The following AKAP13 variants were observed in gnomAD, a reference collection of about 807,000 sequenced individuals.
AKAP13 encodes A-kinase anchoring protein 13.
Under a neutral mutation model 264.5 loss-of-function variants are expected in AKAP13, and 80 were observed. That is an observed-to-expected ratio of 0.30 (90% CI 0.25 to 0.36). The LOEUF is 0.36. Ranked by LOEUF, AKAP13 falls within the 10% of genes least tolerant of loss-of-function variation. The pLI is 1.00. For missense variants in AKAP13, 3,712 were observed against 3,435.2 expected (o/e 1.08, Z -2.01); for synonymous variants, 1,380 against 1,250.2 (o/e 1.10, Z -2.19).
intron 10 of AKAP13, among the ~76,000 whole-genome samples, chr15:85,653,351 T>C (rs1433731584): frequency 6.6e-6 from 1 of 152,224 alleles, no homozygotes; most frequent in Non-Finnish European, 1.5e-5. Flanking sequence ...TTGATTCTGC[T>C]GCTCATGCCT....
intron 3 of AKAP13, among the ~76,000 whole-genome samples, chr15:85,523,808 C>T (rs1004946095): frequency 1.3e-5 from 2 of 151,470 alleles, no homozygotes; most frequent in African/African-American, 4.9e-5. Flanking sequence ...CCCCCCTCCC[C>T]GCCCCCCTTT....
In AKAP13 at chr15:85,718,685, C is replaced by A. The variant is rs985349707; in HGVS notation, c.6002-391C>A. The A allele has an allele frequency of 4.6e-6, 1 of 218,282 alleles. No individual in the cohort carries two copies. 13.5% of individuals were successfully genotyped at this position (218,282 alleles called of 1,614,324 possible). On this transcript the variant is annotated intron_variant, in intron 22 of 36. Coordinates refer to ENST00000394518, the MANE Select transcript of AKAP13 (RefSeq NM_007200.5). This position sits in a 1 kb window ranked among gnomAD's most constrained non-coding sequence, Gnocchi z 4.9. ...GGGAGGCTGAGGCGGGTGGATCACT[C>A]GAGCCCAGAGTTCAAGACTAGCCTG... is the stretch of plus-strand genomic sequence containing the variant.
intron 3 of AKAP13, among the ~76,000 whole-genome samples, chr15:85,526,321 A>G (rs1171163120): frequency 6.6e-6 from 1 of 152,036 alleles, no homozygotes; most frequent in Admixed American, 6.6e-5. Flanking sequence ...GTGCAGTGGC[A>G]CAATCACAGA....
At chr15:85,567,941 G>GAGGTGTGTGTGTGTGTGT (rs2078663390) in intron 5 of AKAP13, among the ~76,000 whole-genome samples, 1 of 141,828 alleles carries the variant, frequency 7.1e-6, no homozygotes, top group Non-Finnish European at 1.5e-5. Context: ...AGCCCAAAGA[G>GAGGTGTGTGTGTGTGTGT]GTGTGTGTGT....
chr15:85,730,365 TTGA>T (rs1459294622), intron 29 of AKAP13, 145 bp from the exon 30 acceptor site: 38 of 731,736 alleles, frequency 5.2e-5, no homozygotes, highest in Non-Finnish European at 7.3e-5. Context: ...TATTGCTGTC[TTGA>T]TGAAAAAGAA....
intron 9 of AKAP13, among the ~76,000 whole-genome samples, chr15:85,642,687 T>C (rs2151481530): frequency 6.6e-6 from 1 of 152,338 alleles, no homozygotes; most frequent in South Asian, 2.1e-4. Flanking sequence ...CAAACTTGGT[T>C]TGTTATCCCT....
chr15:85,390,702 G>C (rs575003088), intron 1 of AKAP13, among the ~76,000 whole-genome samples: 1 of 152,252 alleles, frequency 6.6e-6, no homozygotes, highest in Non-Finnish European at 1.5e-5. Context: ...GGTGGTAGCA[G>C]CGAAAGTGGT....
At chr15:85,668,703 A>G (rs1378863337) in intron 13 of AKAP13, among the ~76,000 whole-genome samples, 3 of 152,304 alleles carry the variant, frequency 2.0e-5, no homozygotes, top group Admixed American at 2.0e-4. Context: ...GCACTTTGGG[A>G]GGCTGAGATG....
At chr15:85,659,618 C>T (rs1194691292) in intron 12 of AKAP13, among the ~76,000 whole-genome samples, 1 of 148,506 alleles carries the variant, frequency 6.7e-6, no homozygotes, top group Non-Finnish European at 1.5e-5. Flanking sequence ...TTTGGAGATA[C>T]GTTTGTCTGG....
intron 6 of AKAP13, among the ~76,000 whole-genome samples, chr15:85,578,491 G>A (rs2079088433): frequency 6.6e-6 from 1 of 152,090 alleles, no homozygotes; most frequent in South Asian, 2.1e-4. Context: ...GAGATTACAG[G>A]CATGCACCAC....
chr15:85,693,526 C>T, intron 17 of AKAP13, 75 bp downstream of exon 17: 1 of 1,575,532 alleles, frequency 6.3e-7, no homozygotes, highest in East Asian at 2.3e-5. Context: ...GTTTCCTGTC[C>T]CCACTCATTA....
chr15:85,552,891 G>A (rs2078011707), intron 5 of AKAP13, among the ~76,000 whole-genome samples: 1 of 151,908 alleles, frequency 6.6e-6, no homozygotes, highest in Non-Finnish European at 1.5e-5. Context: ...TTTGGAGATG[G>A]CAATGTTGAC....
At chr15:85,621,372 C>T (rs1284738517) in intron 8 of AKAP13, 1 of 152,150 alleles carries the variant, frequency 6.6e-6, no homozygotes, top group Non-Finnish European at 1.5e-5. Context: ...GAAATTGTTC[C>T]AAGATATTAT....
chr15:85,559,478 G>A (rs982891870), intron 5 of AKAP13, among the ~76,000 whole-genome samples: 8 of 152,058 alleles, frequency 5.3e-5, no homozygotes, highest in Non-Finnish European at 1.0e-4. Context: ...CTTTATTTCT[G>A]TTATTACTGC....
At chr15:85,475,391 A>G (rs1171626416) in intron 1 of AKAP13, among the ~76,000 whole-genome samples, 1 of 152,176 alleles carries the variant, frequency 6.6e-6, no homozygotes, top group African/African-American at 2.4e-5. Flanking sequence ...TGGAATGGCC[A>G]TTGGGAGTTT....
chr15:85,578,836 A>AT, intron 6 of AKAP13, 94 bp from the exon 7 acceptor site: 1 of 1,145,846 alleles, frequency 8.7e-7, no homozygotes, highest in South Asian at 1.5e-5. Context: ...CTAGAATAGA[A>AT]GTGAGTTCTG....
chr15:85,643,749 C>T (rs535222243), intron 9 of AKAP13, among the ~76,000 whole-genome samples: 1 of 152,278 alleles, frequency 6.6e-6, no homozygotes, highest in South Asian at 2.1e-4. Context: ...GGTCTTTGCC[C>T]CTGGAACAGT....
chr15:85,480,050 T>G lies in AKAP13; in HGVS notation c.-11-5660T>G, dbSNP rs991250329. The stretch of plus-strand genomic sequence containing the variant: ...CAGACATGCTGTGTATAATGTTTTC[T>G]TCCTGATTAAAAAGTAATATCTGTT... On this transcript the variant is annotated intron_variant, in intron 1 of 36. Transcript: ENST00000394518. Among the ~76,000 whole-genome samples, 15 of 152,200 alleles carry G rather than the reference T, an allele frequency of 9.9e-5. 1 individual carries two copies. Among genetic ancestry groups the G allele is most frequent in the Admixed American group, 9.8e-4 (15 of 15,272 alleles).
At chr15:85,395,721 T>A (rs2071078387) in intron 1 of AKAP13, among the ~76,000 whole-genome samples, 2 of 152,128 alleles carry the variant, frequency 1.3e-5, no homozygotes, top group African/African-American at 4.8e-5. Flanking sequence ...CTATTTAGAT[T>A]AGGGATTTGA....
Sources: gnomAD v4.1 joint callset for allele counts (sites outside exome capture counted in the v4.1 genomes callset) on GRCh38, gnomAD v4.1.1 for gene constraint, Gnocchi (gnomAD v3.1) non-coding constraint, MANE v1.5 for transcripts, NCBI Gene and HGNC (gene_info 2026-07-23, HGNC 2026-07-21) for gene names.